Variants in KRT23 observed in about 807,000 individuals in gnomAD.
The protein encoded by KRT23 is keratin, type I cytoskeletal 23.
A neutral mutation model predicts 47.6 loss-of-function variants in KRT23; 38 were observed. The ratio of observed to expected loss-of-function variants is 0.80; its 90% CI spans 0.62 to 1.05. The LOEUF (loss-of-function observed/expected upper bound fraction) is 1.05. Ranked by LOEUF, KRT23 falls within the 50% of genes least tolerant of loss-of-function variation. The pLI, the probability that KRT23 is intolerant of heterozygous loss-of-function variation, is 0.00. For synonymous variants in KRT23, 191 were observed against 199.0 expected (o/e 0.96, Z 0.34); for missense variants, 503 against 529.5 (o/e 0.95, Z 0.49).
In KRT23 at chr17:40,922,949, G is replaced by A. The variant is rs763881830; in HGVS notation, c.*40C>T. 11 of 1,462,136 alleles carry A rather than the reference G, an allele frequency of 7.5e-6. No individual in the cohort carries two copies. The highest frequency in any genetic ancestry group is 9.6e-6 in the Non-Finnish European group (10 of 1,041,828). The allele number at this position is 1,462,136 out of a possible 1,614,324, so 90.6% of individuals were successfully genotyped here. Reference sequence around the variant, plus strand: ...TGTCTGTGCAAGGACTTTCCTTGGGGGAAAATAGATTTTACAACAGGCGGA... The same window carrying A: ...TGTCTGTGCAAGGACTTTCCTTGGGAGAAAATAGATTTTACAACAGGCGGA... On this transcript the variant is annotated 3_prime_UTR_variant, in exon 9 of 9. Transcript: ENST00000209718.
chr17:40,937,050 C>CAG (rs1295674443), intron 1 of KRT23, 97 bp from the exon 2 acceptor site: 2,402 of 158,262 alleles, frequency 0.015, 63 homozygotes, highest in African/African-American at 0.055. Flanking sequence ...CAAAACAAAA[C>CAG]AACAACAACA....
intron 4 of KRT23, among the ~76,000 whole-genome samples, chr17:40,929,429 T>C (rs547858750): frequency 1.3e-5 from 2 of 152,398 alleles, no homozygotes; most frequent in East Asian, 3.8e-4. Flanking sequence ...GCAATTTTGT[T>C]TTCCTAAAAT....
At chr17:40,933,992 C>T (rs894917772) in intron 2 of KRT23, among the ~76,000 whole-genome samples, 4 of 152,120 alleles carry the variant, frequency 2.6e-5, no homozygotes, top group Admixed American at 6.5e-5. Flanking sequence ...AAATATAGTC[C>T]GATTGAGAAT....
intron 2 of KRT23, among the ~76,000 whole-genome samples, chr17:40,932,848 G>A (rs1909790536): frequency 6.6e-6 from 1 of 152,226 alleles, no homozygotes; most frequent in Admixed American, 6.5e-5. Flanking sequence ...TGGCATGAAT[G>A]CTGGGTCTGG....
Position 40,925,677 on chromosome 17 carries a change from T to A in KRT23, c.922-103A>T. 3 of 832,778 alleles carry A rather than the reference T, an allele frequency of 3.6e-6. No homozygotes were observed. In the South Asian group the frequency reaches 4.7e-5, roughly 13 times the overall value. The allele number at this position is 832,778 out of a possible 1,614,324, so 51.6% of individuals were successfully genotyped here. On this transcript the variant is annotated intron_variant, in intron 6 of 8. Coordinates refer to ENST00000209718, the MANE Select transcript of KRT23 (RefSeq NM_015515.5). Reference sequence around the variant, plus strand: ...CAGATGTCGACCAGTTGGCTAGGTGTCTTGGTAGCTGCTGAGGACACCAAG... The same window carrying A: ...CAGATGTCGACCAGTTGGCTAGGTGACTTGGTAGCTGCTGAGGACACCAAG...
In KRT23 at chr17:40,931,469, A is replaced by ATG. The variant is rs1254421064; in HGVS notation, c.397-15_397-14insCA. On this transcript the variant is annotated splice_polypyrimidine_tract_variant and intron_variant, in intron 2 of 8. Coordinates refer to ENST00000209718, the MANE Select transcript of KRT23 (RefSeq NM_015515.5). The stretch of plus-strand genomic sequence containing the variant: ...ACCATCCACTATCTGTAAAACATGC[A>ATG]CAAAAGCACAAAAGGTTATCTCACT... The ATG allele has an allele frequency of 6.3e-7, 1 of 1,588,312 alleles. No homozygotes were observed. The highest frequency in any genetic ancestry group is 1.7e-5 in the Admixed American group (1 of 60,004).
chr17:40,936,556 A>G lies in KRT23; in HGVS notation c.48T>C (p.His16=), dbSNP rs202197762. The part of the protein sequence containing the change: ...SFSQTPSASF[H]GAGGGWGRPR... ...GCCGGCCCCAGCCACCTCCGGCGCC[A>G]TGGAAGGAGGCCGAGGGGGTCTGGC... is the stretch of plus-strand genomic sequence containing the variant. The change falls in exon 2 of 9, where the codon CAT becomes CAC. Residue 16 remains histidine, a synonymous_variant. Transcript: ENST00000209718. 2 of 1,520,590 alleles carry G rather than the reference A, an allele frequency of 1.3e-6. No homozygotes were observed. The highest frequency in any genetic ancestry group is 1.4e-5 in the African/African-American group (1 of 71,666). 94.2% of individuals were successfully genotyped at this position (1,520,590 alleles called of 1,614,324 possible).
chr17:40,924,234 A>G (rs1017689380), intron 8 of KRT23, among the ~76,000 whole-genome samples: 1 of 152,234 alleles, frequency 6.6e-6, no homozygotes, highest in Non-Finnish European at 1.5e-5. Flanking sequence ...TAATAGAGAC[A>G]TAATACTATT....
chr17:40,928,201 TG>T, intron 6 of KRT23, 36 bp downstream of exon 6: 1 of 1,611,924 alleles, frequency 6.2e-7, no homozygotes, highest in South Asian at 1.1e-5. Flanking sequence ...GTGAAGGAGG[TG>T]GTGTGGGATT....
Position 40,923,102 on chromosome 17 carries a change from A to C in KRT23, c.1175-19T>G. ...GCAGACACTGAGAAAAAGAGCATGG[A>C]AGATGTCACTGCCATGCTTCTTCCA... On this transcript the variant is annotated intron_variant, in intron 8 of 8. Coordinates refer to ENST00000209718, the MANE Select transcript of KRT23 (RefSeq NM_015515.5). 2.6e-6 allele frequency: 4 copies of C among 1,534,268 alleles called. No individual in the cohort carries two copies. The highest frequency in any genetic ancestry group is 3.6e-6 in the Non-Finnish European group (4 of 1,107,272).
At position 40,929,991 on chromosome 17, in the gene KRT23, C is replaced by T; in HGVS notation, c.585G>A (p.Glu195=). The T allele has an allele frequency of 1.2e-6, 2 of 1,614,146 alleles. No individual in the cohort carries two copies. Among genetic ancestry groups the T allele is most frequent in the South Asian group, 1.1e-5 (1 of 91,076 alleles). ...LTIVTTDLEQ[E]VEGMRKELIL... ...TGAGCTCTTTCCTCATTCCTTCCAC[C>T]TCCTGTTCTAGGTCTGTTGTGACAA... is the stretch of plus-strand genomic sequence containing the variant. The change falls in exon 4 of 9, where the codon GAG becomes GAA. Residue 195 remains glutamate, a synonymous_variant. Transcript: ENST00000209718.
rs750594489 is a variant in KRT23 at position 40,925,372 on chromosome 17, A to G, written c.1124T>C (p.Leu375Pro). 4.3e-6 allele frequency: 7 copies of G among 1,613,282 alleles called. No individual in the cohort carries two copies. In the South Asian group the frequency reaches 5.5e-5, roughly 13 times the overall value. ...EKEITTYRRL[L>P]EGESEGTREE... ...GCCTTACCCTTCACTCTCTCCCTCC[A>G]GGAGCCGTCGGTACGTGGTGATTTC... The change falls in exon 7 of 9, where the codon CTG (leucine) becomes CCG (proline). Residue 375 changes from leucine to proline, a missense_variant. Physicochemically the swap from Leu to Pro is moderately conservative, Grantham distance 98 (BLOSUM62 -3). Transcript: ENST00000209718.
chr17:40,932,911 A>C (rs1379569061), intron 2 of KRT23, among the ~76,000 whole-genome samples: 3 of 152,180 alleles, frequency 2.0e-5, no homozygotes, highest in Non-Finnish European at 4.4e-5. Context: ...GCTGGGTGAG[A>C]TTGGCTGAGT....
At chr17:40,928,162 G>T (rs1909348511) in intron 6 of KRT23, 76 bp downstream of exon 6, 2 of 1,584,224 alleles carry the variant, frequency 1.3e-6, no homozygotes, top group African/African-American at 1.3e-5. Context: ...TGAGGGTCAG[G>T]GCCTGGGAGA....
chr17:40,935,927 A>G (rs1910030509), intron 2 of KRT23, among the ~76,000 whole-genome samples: 1 of 152,192 alleles, frequency 6.6e-6, no homozygotes, highest in South Asian at 2.1e-4. Flanking sequence ...TCTGTGAGAA[A>G]TCAGTAGTCT....
At chr17:40,933,293 G>A (rs888355687) in intron 2 of KRT23, among the ~76,000 whole-genome samples, 4 of 152,068 alleles carry the variant, frequency 2.6e-5, no homozygotes, top group African/African-American at 9.7e-5. Context: ...CCCTTCCCTT[G>A]CTATAAAGAA....
intron 3 of KRT23, 78 bp downstream of exon 3, chr17:40,931,295 C>G: frequency 9.5e-7 from 1 of 1,053,916 alleles, no homozygotes; most frequent in Non-Finnish European, 1.5e-6. Flanking sequence ...CAGGTGTGAG[C>G]CACCGCGCCC....
In KRT23 at chr17:40,929,931, G is replaced by T; in HGVS notation, c.636+9C>A. 1.2e-6 allele frequency: 2 copies of T among 1,613,176 alleles called. No individual in the cohort carries two copies. The highest frequency in any genetic ancestry group is 1.7e-6 in the Non-Finnish European group (2 of 1,179,570). ...GTGCTTATTAGCAGGTGTTCCTGGG[G>T]AGTTGTACCTGCTCATGGTGCTTCT... On this transcript the variant is annotated intron_variant, in intron 4 of 8. Transcript: ENST00000209718.
intron 4 of KRT23, 110 bp from the exon 5 acceptor site, chr17:40,928,717 T>C: frequency 1.0e-6 from 1 of 971,342 alleles, no homozygotes; most frequent in Non-Finnish European, 1.5e-6. Flanking sequence ...GATTATGTGG[T>C]TGCTCCCACT....
Sources: gnomAD v4.1 joint callset for allele counts (sites outside exome capture counted in the v4.1 genomes callset) on GRCh38, gnomAD v4.1.1 for gene constraint, MANE v1.5 for transcripts, NCBI Gene and HGNC (gene_info 2026-07-23, HGNC 2026-07-21) for gene names.